The following FAM184B variants were observed in gnomAD, a reference collection of about 807,000 sequenced individuals.
The protein encoded by FAM184B is family with sequence similarity 184 member B.
A neutral mutation model predicts 135.9 loss-of-function variants in FAM184B; 111 were observed. The ratio of observed to expected loss-of-function variants is 0.82; its 90% CI spans 0.70 to 0.96. FAM184B has a LOEUF of 0.96. Ranked by LOEUF, FAM184B falls within the 40% of genes least tolerant of loss-of-function variation. The pLI, the probability that FAM184B is intolerant of heterozygous loss-of-function variation, is 0.00. For missense variants in FAM184B, 1,375 were observed against 1,323.9 expected (o/e 1.04, Z -0.60); for synonymous variants, 552 against 524.8 (o/e 1.05, Z -0.71).
chr4:17,775,479 C>G (rs1228237294), intron 1 of FAM184B, among the ~76,000 whole-genome samples: 1 of 152,192 alleles, frequency 6.6e-6, no homozygotes, highest in East Asian at 1.9e-4. Flanking sequence ...GCCACTGAGC[C>G]CAGCTAGAAT....
Position 17,642,075 on chromosome 4 carries a change from T to G in FAM184B, c.2500A>C (p.Lys834Gln). 6 of 1,531,540 alleles carry G rather than the reference T, an allele frequency of 3.9e-6. No individual in the cohort carries two copies. The highest frequency in any genetic ancestry group is 5.2e-6 in the Non-Finnish European group (6 of 1,144,980). 94.9% of individuals were successfully genotyped at this position (1,531,540 alleles called of 1,614,324 possible). ...EVEQHQQEAQ[K>Q]LRDQRRFLEE... ...ACCCACCTGCGCTGGTCTCGGAGCT[T>G]CTGCGCCTCCTGCTGATGCTGCTCC... Residue 834 changes from lysine to glutamine, a missense_variant, in exon 13 of 18, where the codon AAG becomes CAG. By Grantham distance (53) the Lys-to-Gln change is moderately conservative (BLOSUM62 1). Coordinates refer to ENST00000265018, the MANE Select transcript of FAM184B (RefSeq NM_015688.2).
chr4:17,731,178 A>G (rs539905278), intron 1 of FAM184B, among the ~76,000 whole-genome samples: 55 of 152,324 alleles, frequency 3.6e-4, no homozygotes, highest in African/African-American at 1.2e-3. Flanking sequence ...TGAAGGAAGC[A>G]CTAAACATGG....
chr4:17,665,813 A>C (rs1716034374), intron 7 of FAM184B, among the ~76,000 whole-genome samples: 1 of 152,192 alleles, frequency 6.6e-6, no homozygotes, highest in African/African-American at 2.4e-5. Context: ...TTGGGTCTGC[A>C]CTAACGGGGA....
At chr4:17,643,411 C>T (rs886237490) in intron 12 of FAM184B, among the ~76,000 whole-genome samples, 2 of 152,132 alleles carry the variant, frequency 1.3e-5, no homozygotes, top group East Asian at 1.9e-4. Context: ...GGGCTTCCCT[C>T]CTATGGGGCA....
intron 5 of FAM184B, among the ~76,000 whole-genome samples, chr4:17,700,139 G>C (rs1045609712): frequency 3.3e-5 from 5 of 152,142 alleles, no homozygotes; most frequent in African/African-American, 1.2e-4. Flanking sequence ...AACGGGAAAA[G>C]GGGGTGGGGA....
intron 1 of FAM184B, among the ~76,000 whole-genome samples, chr4:17,742,928 G>A (rs1373653990): frequency 6.6e-6 from 1 of 152,198 alleles, no homozygotes; most frequent in Non-Finnish European, 1.5e-5. Context: ...ACCATCCCTG[G>A]ACAGCAGAGC....
intron 1 of FAM184B, among the ~76,000 whole-genome samples, chr4:17,711,307 C>T (rs1717264482): frequency 6.6e-6 from 1 of 151,684 alleles, no homozygotes; most frequent in African/African-American, 2.4e-5. Context: ...GGTGAAACCC[C>T]GCCTCTACTA....
At chr4:17,768,464 G>T (rs936447900) in intron 1 of FAM184B, among the ~76,000 whole-genome samples, 19 of 152,156 alleles carry the variant, frequency 1.2e-4, no homozygotes, top group African/African-American at 3.9e-4. Context: ...TAGTAGAGAC[G>T]GGGTGTCACC....
At chr4:17,682,408 T>C (rs1244936342) in intron 7 of FAM184B, among the ~76,000 whole-genome samples, 1 of 152,214 alleles carries the variant, frequency 6.6e-6, no homozygotes, top group Non-Finnish European at 1.5e-5. Flanking sequence ...TCTCCCTGCA[T>C]GTTCTGGGAG....
Position 17,769,067 on chromosome 4 carries a change from T to G in FAM184B, c.141+12092A>C, listed in dbSNP as rs556272497. On this transcript the variant is annotated intron_variant, in intron 1 of 17. Coordinates refer to ENST00000265018, the MANE Select transcript of FAM184B (RefSeq NM_015688.2). ...ATCCACCCGCCTTGGCCTCCCAAAG[T>G]GCTGAGATTACAGGCATGAGCCACC... 3.6e-3 allele frequency among the ~76,000 whole-genome samples: 544 copies of G among 152,214 alleles called. 3 individuals are homozygous for G. The highest frequency in any genetic ancestry group is 0.011 in the African/African-American group (476 of 41,526).
At chr4:17,778,030 C>G (rs1008945468) in intron 1 of FAM184B, among the ~76,000 whole-genome samples, 27 of 151,222 alleles carry the variant, frequency 1.8e-4, no homozygotes, top group African/African-American at 4.9e-4. Context: ...TTGATCACAC[C>G]ACTGCACTCC....
At position 17,638,133 on chromosome 4, in the gene FAM184B, G is replaced by GC. The variant is rs1431528079; in HGVS notation, c.2666+1116dup. Among the ~76,000 whole-genome samples, 34 of 40,526 alleles carry GC rather than the reference G, an allele frequency of 8.4e-4. 1 individual carries two copies. The highest frequency in any genetic ancestry group is 3.0e-3 in the African/African-American group (33 of 11,122). 26.6% of individuals were successfully genotyped at this position (40,526 alleles called of 152,430 possible). A position where few individuals can be genotyped will look rare whatever the true frequency, so the allele number is the denominator to read the frequency against. On this transcript the variant is annotated intron_variant, in intron 14 of 17. Coordinates refer to ENST00000265018, the MANE Select transcript of FAM184B (RefSeq NM_015688.2). Reference sequence around the variant, plus strand: ...CCGCCTGGTATGATGTTAACTGTTTGCTTTTTTTTTTTTTTTTTTTTTTTT... The same window carrying GC: ...CCGCCTGGTATGATGTTAACTGTTTGCCTTTTTTTTTTTTTTTTTTTTTTTT...
chr4:17,729,153 G>C (rs1285474842), intron 1 of FAM184B, among the ~76,000 whole-genome samples: 2 of 152,210 alleles, frequency 1.3e-5, no homozygotes, highest in African/African-American at 4.8e-5. Context: ...CTGATTGCTA[G>C]CACAGCAGTC....
intron 10 of FAM184B, 129 bp from the exon 11 acceptor site, chr4:17,653,112 G>C: frequency 1.1e-6 from 1 of 904,574 alleles, no homozygotes; most frequent in Non-Finnish European, 1.7e-6. Flanking sequence ...GGCTTATCAG[G>C]CTACAGAGAA....
chr4:17,701,714 A>G (rs941296670), intron 5 of FAM184B, among the ~76,000 whole-genome samples: 2 of 152,228 alleles, frequency 1.3e-5, no homozygotes, highest in Non-Finnish European at 2.9e-5. Flanking sequence ...TGCAGTATCC[A>G]GGGGCAGCAG....
At position 17,647,754 on chromosome 4, in the gene FAM184B, G is replaced by A. The variant is rs749715642; in HGVS notation, c.2229C>T (p.Ala743=). ...CCAAGTCCTTCTGGTGCCCAGAACA[G>A]GCAGCTTGCTGCTCCGACAGCTCCT... ...LRQELSEQQA[A]CSGHQKDLEA... is the part of the protein sequence containing the mutation. The change falls in exon 12 of 18, where the codon GCC becomes GCT. Residue 743 remains alanine (A), a synonymous_variant. Transcript: ENST00000265018. 1.9e-6 allele frequency: 3 copies of A among 1,550,736 alleles called. No individual in the cohort carries two copies. Among genetic ancestry groups the A allele is most frequent in the East Asian group, 4.9e-5 (2 of 40,926 alleles).
At chr4:17,707,013 C>G (rs1467205858) in intron 3 of FAM184B, among the ~76,000 whole-genome samples, 1 of 152,156 alleles carries the variant, frequency 6.6e-6, no homozygotes, top group South Asian at 2.1e-4. Flanking sequence ...GTCTCGAACT[C>G]CTGATCTCAG....
intron 5 of FAM184B, among the ~76,000 whole-genome samples, chr4:17,704,153 A>G (rs1296797969): frequency 6.6e-6 from 1 of 152,170 alleles, no homozygotes; most frequent in East Asian, 1.9e-4. Context: ...GTGGACACTC[A>G]AAGCTGGTAC....
At chr4:17,707,921 C>T (rs2108965358) in intron 2 of FAM184B, 137 bp from the exon 3 acceptor site, 2 of 900,444 alleles carry the variant, frequency 2.2e-6, no homozygotes, top group African/African-American at 3.4e-5. Flanking sequence ...TTCAGTGGCC[C>T]AGGGCTCATC....
Sources: allele counts gnomAD v4.1 joint callset (sites outside exome capture counted in the v4.1 genomes callset), GRCh38; gene constraint gnomAD v4.1.1; transcripts MANE v1.5; gene names NCBI Gene and HGNC (gene_info 2026-07-23, HGNC 2026-07-21).